Variants in CSMD1 observed in about 807,000 individuals in gnomAD.
CSMD1 encodes CUB and Sushi multiple domains 1, also known as CUB and sushi domain-containing protein 1.
Under a neutral mutation model 417.5 loss-of-function variants are expected in CSMD1, and 213 were observed. The observed-to-expected ratio is 0.51, with a 90% confidence interval of 0.46 to 0.57. CSMD1 has a LOEUF of 0.57. CSMD1 is among the 20% of genes least tolerant of loss of function. The probability of loss-of-function intolerance (pLI) is 0.00; values close to 1 mark genes in which losing one functional copy is unlikely to be tolerated. For synonymous variants in CSMD1, 2,862 were observed against 1,736.8 expected, an observed-to-expected ratio of 1.65 and a Z score of -16.11; for missense variants, 6,923 against 4,529.7, an observed-to-expected ratio of 1.53 and a Z score of -15.17.
intron 5 of CSMD1, among the ~76,000 whole-genome samples, chr8:3,970,282 G>T (rs761113368): frequency 2.0e-5 from 3 of 152,184 alleles, no homozygotes; most frequent in Non-Finnish European, 4.4e-5. Flanking sequence ...CGAAGCCTTT[G>T]AAACAGTCTT....
chr8:3,149,966 C>T (rs1014939990), intron 40 of CSMD1, among the ~76,000 whole-genome samples: 11 of 152,296 alleles, frequency 7.2e-5, no homozygotes, highest in Admixed American at 5.9e-4. Flanking sequence ...TGTAAACTAT[C>T]CCGGGTTACA....
intron 8 of CSMD1, among the ~76,000 whole-genome samples, chr8:3,603,490 G>A (rs552819721): frequency 6.6e-6 from 1 of 152,170 alleles, no homozygotes; most frequent in South Asian, 2.1e-4. Context: ...TCACCTTACT[G>A]TTTTCTCCAC....
rs145342312 is a variant in CSMD1 at position 4,337,154 on chromosome 8, A to G, written c.415+82799T>C. 1.6e-3 allele frequency among the ~76,000 whole-genome samples: 236 copies of G among 152,192 alleles called. 4 individuals are homozygous for G. In the East Asian group the frequency reaches 0.042, roughly 27 times the overall value. ...GGGATCTTCTGCCCCCACCTTCATT[A>G]CTACTCTATCTATACCTCTGTTTGC... On this transcript the variant is annotated intron_variant, in intron 3 of 69. Coordinates refer to ENST00000635120, the MANE Select transcript of CSMD1 (RefSeq NM_033225.6).
chr8:4,088,527 GGAT>G (rs1262618572), intron 3 of CSMD1, among the ~76,000 whole-genome samples: 1 of 152,110 alleles, frequency 6.6e-6, no homozygotes, highest in African/African-American at 2.4e-5. Context: ...TCACTGGTTA[GGAT>G]GCAAAACTAA....
chr8:3,564,892 G>A (rs143473127), intron 10 of CSMD1, among the ~76,000 whole-genome samples: 1 of 151,884 alleles, frequency 6.6e-6, no homozygotes, highest in Non-Finnish European at 1.5e-5. Context: ...CAATGAAATA[G>A]CTGGCACACA....
chr8:3,474,011 A>C (rs1344192581), intron 11 of CSMD1, among the ~76,000 whole-genome samples: 1 of 152,130 alleles, frequency 6.6e-6, no homozygotes, highest in African/African-American at 2.4e-5. Flanking sequence ...TGAGAACAGC[A>C]TGGGGGAAAC....
chr8:3,541,216 C>A (rs1340031357), intron 10 of CSMD1, among the ~76,000 whole-genome samples: 10 of 152,158 alleles, frequency 6.6e-5, no homozygotes, highest in Non-Finnish European at 1.5e-4. Flanking sequence ...GGAATGAGAT[C>A]ACGTGCTTTG....
At chr8:3,872,334 C>G (rs948301095) in intron 5 of CSMD1, among the ~76,000 whole-genome samples, 2 of 152,016 alleles carry the variant, frequency 1.3e-5, no homozygotes, top group African/African-American at 4.8e-5. Flanking sequence ...TCCCAGCTTT[C>G]CCCCGGCAAA....
intron 12 of CSMD1, among the ~76,000 whole-genome samples, chr8:3,453,811 G>T (rs1325496851): frequency 6.6e-6 from 1 of 152,216 alleles, no homozygotes; most frequent in South Asian, 2.1e-4. Flanking sequence ...GGATAGTTCT[G>T]TAGATGTCTA....
At chr8:4,223,640 G>C (rs1447667363) in intron 3 of CSMD1, among the ~76,000 whole-genome samples, 1 of 152,212 alleles carries the variant, frequency 6.6e-6, no homozygotes, top group African/African-American at 2.4e-5. Context: ...CCAGGACTCA[G>C]CGAGTTAAAC....
At chr8:4,302,254 T>G (rs1246948308) in intron 3 of CSMD1, among the ~76,000 whole-genome samples, 1 of 152,170 alleles carries the variant, frequency 6.6e-6, no homozygotes, top group Non-Finnish European at 1.5e-5. Flanking sequence ...GTGTTTTAGG[T>G]GATGGTCTGG....
At chr8:3,639,363 G>C (rs982244124) in intron 7 of CSMD1, among the ~76,000 whole-genome samples, 2 of 152,194 alleles carry the variant, frequency 1.3e-5, no homozygotes, top group African/African-American at 4.8e-5. Flanking sequence ...GAAAAAGAGA[G>C]AATGAAAGTG....
At chr8:3,300,826 G>A (rs185171216) in intron 25 of CSMD1, among the ~76,000 whole-genome samples, 3 of 151,918 alleles carry the variant, frequency 2.0e-5, no homozygotes, top group Admixed American at 1.3e-4. Context: ...GGGTGTGGTG[G>A]CACATGCATG....
chr8:3,959,108 T>C (rs1007148191), intron 5 of CSMD1, among the ~76,000 whole-genome samples: 20 of 152,316 alleles, frequency 1.3e-4, no homozygotes, highest in Middle Eastern at 3.4e-3. Flanking sequence ...TCACATGCTT[T>C]CACTTTTATA....
At chr8:3,930,346 A>G (rs976117556) in intron 5 of CSMD1, among the ~76,000 whole-genome samples, 6 of 150,636 alleles carry the variant, frequency 4.0e-5, no homozygotes, top group Non-Finnish European at 8.9e-5. Context: ...CAGCCATAAT[A>G]AAGAAATCAA....
intron 21 of CSMD1, among the ~76,000 whole-genome samples, chr8:3,352,632 G>C (rs925986022): frequency 3.3e-5 from 5 of 152,158 alleles, no homozygotes; most frequent in Non-Finnish European, 7.3e-5. Flanking sequence ...CTGAAGTCAG[G>C]AGTTCAAGAC....
In CSMD1 at chr8:4,008,463, C is replaced by T. The variant is rs551816016; in HGVS notation, c.611-10353G>A. ...ATTTGGTGACAGAATTAAATAAATG[C>T]TATTTAAAATTTCAGCTCTCCCTTG... is the stretch of plus-strand genomic sequence containing the variant. On this transcript the variant is annotated intron_variant, in intron 4 of 69. Coordinates refer to ENST00000635120, the MANE Select transcript of CSMD1 (RefSeq NM_033225.6). Among the ~76,000 whole-genome samples the T allele has an allele frequency of 2.6e-5, 4 of 151,604 alleles. No homozygotes were observed. The South Asian group carries it at 8.3e-4, about 31-fold the overall frequency.
chr8:4,977,751 G>C (rs1426188463), intron 1 of CSMD1, among the ~76,000 whole-genome samples: 1 of 152,126 alleles, frequency 6.6e-6, no homozygotes, highest in Non-Finnish European at 1.5e-5. Flanking sequence ...TTGCAGGCAG[G>C]TTCACCTGCT....
At chr8:3,707,189 G>A (rs1455688837) in intron 7 of CSMD1, among the ~76,000 whole-genome samples, 1 of 152,148 alleles carries the variant, frequency 6.6e-6, no homozygotes, top group Non-Finnish European at 1.5e-5. Flanking sequence ...AAAGATGTAG[G>A]TCAATCTATA....
Sources: gnomAD v4.1 joint callset for allele counts (sites outside exome capture counted in the v4.1 genomes callset) on GRCh38, gnomAD v4.1.1 for gene constraint, MANE v1.5 for transcripts, NCBI Gene and HGNC (gene_info 2026-07-23, HGNC 2026-07-21) for gene names.